Variants in SUSD5 observed in about 807,000 individuals in gnomAD.
SUSD5 encodes the protein sushi domain-containing protein 5.
In SUSD5, 33 loss-of-function variants were observed where a neutral mutation model predicts 29.5. The ratio of observed to expected loss-of-function variants is 1.12; its 90% CI spans 0.85 to 1.49. The LOEUF (loss-of-function observed/expected upper bound fraction) is 1.49. Among genes scored for constraint, SUSD5 ranks in the 40% most tolerant of loss-of-function variants. SUSD5 has a pLI of 0.00. For missense variants in SUSD5, 776 were observed against 800.6 expected (o/e 0.97, Z 0.37); for synonymous variants, 308 against 325.3 (o/e 0.95, Z 0.57).
At chr3:33,169,302 C>T (rs529762401) in intron 4 of SUSD5, among the ~76,000 whole-genome samples, 1 of 152,254 alleles carries the variant, frequency 6.6e-6, no homozygotes, top group East Asian at 1.9e-4. Context: ...CTCACTGCAA[C>T]CTCTGCCTCC....
At chr3:33,154,533 A>G (rs548730627) in intron 4 of SUSD5, among the ~76,000 whole-genome samples, 1 of 151,770 alleles carries the variant, frequency 6.6e-6, no homozygotes, top group Admixed American at 6.6e-5. Flanking sequence ...AACAACAACA[A>G]AAACAACAAC....
intron 4 of SUSD5, among the ~76,000 whole-genome samples, chr3:33,163,955 G>A (rs1020841005): frequency 3.6e-4 from 54 of 152,016 alleles, no homozygotes; most frequent in African/African-American, 1.0e-3. Context: ...AGCCGAGATC[G>A]CACCACTGCA....
rs1239527360 is a variant in SUSD5, at chr3:33,153,121, T to C, written c.1511A>G (p.Lys504Arg). 3 of 1,613,934 alleles carry C rather than the reference T, an allele frequency of 1.9e-6. No individual in the cohort carries two copies. Among genetic ancestry groups the C allele is most frequent in the Admixed American group, 1.7e-5 (1 of 60,018 alleles). ...TLEILTVNTV[K>R]QTPNHIPSTI... ...TGAGGGGATGTGGTTAGGTGTCTGC[T>C]TGACAGTGTTCACTGTTAATATCTC... The change falls in exon 5 of 5, where the codon AAG (lysine) becomes AGG (arginine). Residue 504 changes from lysine to arginine, a missense_variant. Transcript: ENST00000309558.
At chr3:33,189,307 G>A (rs748642141) in intron 3 of SUSD5, among the ~76,000 whole-genome samples, 5 of 151,978 alleles carry the variant, frequency 3.3e-5, no homozygotes, top group South Asian at 2.1e-4. Flanking sequence ...GTGAAACCCC[G>A]TCTGTACTAA....
At chr3:33,205,102 T>A (rs1468940552) in intron 3 of SUSD5, among the ~76,000 whole-genome samples, 1 of 152,180 alleles carries the variant, frequency 6.6e-6, no homozygotes, top group African/African-American at 2.4e-5. Context: ...CGTCCCTTTG[T>A]CCCTAAAAAC....
intron 3 of SUSD5, among the ~76,000 whole-genome samples, chr3:33,199,409 G>T (rs1447799042): frequency 1.3e-5 from 2 of 152,242 alleles, no homozygotes; most frequent in East Asian, 3.9e-4. Flanking sequence ...GAGTAGCTGG[G>T]ACTACAGGCA....
In SUSD5 at chr3:33,184,646, A is replaced by G. The variant is rs551055424; in HGVS notation, c.410-9572T>C. ...TTTCTCTTTGTTTTTCAGTTTTGGA[A>G]GTTTCTATTGCCATATCTTCAACCG... On this transcript the variant is annotated intron_variant, in intron 3 of 4. Coordinates refer to ENST00000309558, the MANE Select transcript of SUSD5 (RefSeq NM_015551.2). Among the ~76,000 whole-genome samples the G allele has an allele frequency of 2.6e-5, 4 of 151,732 alleles. No homozygotes were observed. In the South Asian group the frequency reaches 8.3e-4, roughly 32 times the overall value.
intron 3 of SUSD5, among the ~76,000 whole-genome samples, chr3:33,199,630 T>A (rs981655331): frequency 1.2e-4 from 18 of 152,234 alleles, no homozygotes; most frequent in Admixed American, 1.1e-3. Context: ...GAGACCTGCA[T>A]AATATGTCTT....
intron 2 of SUSD5, among the ~76,000 whole-genome samples, chr3:33,209,456 CT>C (rs1374843563): frequency 6.6e-6 from 1 of 151,730 alleles, no homozygotes; most frequent in Non-Finnish European, 1.5e-5. Context: ...ATTTTTCATC[CT>C]TTTTCCCTCT....
chr3:33,199,244 A>G (rs998713767), intron 3 of SUSD5, among the ~76,000 whole-genome samples: 1 of 149,276 alleles, frequency 6.7e-6, no homozygotes, highest in African/African-American at 2.5e-5. Flanking sequence ...ACACACACAC[A>G]CACGTTTACA....
At chr3:33,183,752 G>T (rs967708176) in intron 3 of SUSD5, among the ~76,000 whole-genome samples, 1 of 151,752 alleles carries the variant, frequency 6.6e-6, no homozygotes, top group Non-Finnish European at 1.5e-5. Context: ...GCTCCCTAAA[G>T]AACTTCTTTT....
At chr3:33,191,766 C>T (rs1269646201) in intron 3 of SUSD5, among the ~76,000 whole-genome samples, 2 of 152,026 alleles carry the variant, frequency 1.3e-5, no homozygotes, top group Middle Eastern at 3.4e-3. Flanking sequence ...GGCAATATAG[C>T]GAGATCCCAT....
chr3:33,195,818 T>C (rs2031985026), intron 3 of SUSD5, among the ~76,000 whole-genome samples: 1 of 151,542 alleles, frequency 6.6e-6, no homozygotes, highest in African/African-American at 2.4e-5. Flanking sequence ...ATAAAACATG[T>C]AGAGAACACA....
intron 3 of SUSD5, among the ~76,000 whole-genome samples, chr3:33,183,901 T>G (rs2031724105): frequency 6.7e-6 from 1 of 149,748 alleles, no homozygotes; most frequent in Admixed American, 6.6e-5. Context: ...TTTTTTTTCC[T>G]CTTAACACTT....
Position 33,153,363 on chromosome 3 carries a change from G to C in SUSD5, c.1269C>G (p.Ser423Arg), listed in dbSNP as rs749337270. 6.2e-7 allele frequency: 1 copy of C among 1,613,862 alleles called. No homozygotes were observed. The highest frequency in any genetic ancestry group is 8.5e-7 in the Non-Finnish European group (1 of 1,179,828). ...ILVEVKKPKS[S>R]TLTPSEGMTH... is the part of the protein sequence containing the mutation. ...TCATGCCCTCGCTTGGTGTGAGGGT[G>C]CTACTCTTGGGCTTCTTAACTTCCA... Residue 423 changes from serine to arginine, a missense_variant, in exon 5 of 5, where the codon AGC becomes AGG. Transcript: ENST00000309558.
At chr3:33,172,931 T>C (rs763307002) in intron 4 of SUSD5, among the ~76,000 whole-genome samples, 5 of 152,120 alleles carry the variant, frequency 3.3e-5, no homozygotes, top group African/African-American at 1.2e-4. Context: ...AGTAGTGAAA[T>C]AGAAAACTAC....
intron 3 of SUSD5, among the ~76,000 whole-genome samples, chr3:33,197,472 A>T (rs986436508): frequency 6.6e-6 from 1 of 152,156 alleles, no homozygotes; most frequent in Non-Finnish European, 1.5e-5. Context: ...TTAAAGTATT[A>T]TTTATATAAA....
chr3:33,184,450 C>A (rs2031738737), intron 3 of SUSD5, among the ~76,000 whole-genome samples: 1 of 152,114 alleles, frequency 6.6e-6, no homozygotes, highest in Non-Finnish European at 1.5e-5. Context: ...CTCCCCAGAT[C>A]TGTGGTTGGT....
intron 3 of SUSD5, among the ~76,000 whole-genome samples, chr3:33,178,973 T>TG (rs2031611220): frequency 6.6e-6 from 1 of 152,232 alleles, no homozygotes; most frequent in Non-Finnish European, 1.5e-5. Context: ...GTGAACCCTC[T>TG]GGGCTTGGTG....
Sources: allele counts gnomAD v4.1 joint callset (sites outside exome capture counted in the v4.1 genomes callset), GRCh38; gene constraint gnomAD v4.1.1; transcripts MANE v1.5; gene names NCBI Gene and HGNC (gene_info 2026-07-23, HGNC 2026-07-21).